SCLY: variants seen among roughly 807,000 people sequenced by gnomAD.
SCLY encodes the protein putative selenocysteine lyase.
A neutral mutation model predicts 50.1 loss-of-function variants in SCLY; 38 were observed. The observed-to-expected ratio is 0.76, with a 90% CI of 0.59 to 0.99. The LOEUF (loss-of-function observed/expected upper bound fraction) is 0.99, where lower values mean the gene tolerates loss of function less well. Among genes scored for constraint, SCLY ranks in the 50% least tolerant of loss-of-function variants. The probability of loss-of-function intolerance (pLI) is 0.00; values close to 1 mark genes in which losing one functional copy is unlikely to be tolerated. For synonymous variants in SCLY, 243 were observed against 249.4 expected (o/e 0.97, Z 0.24); for missense variants, 600 against 620.0 (o/e 0.97, Z 0.34).
chr2:238,076,051 T>TG (rs2065170054), intron 4 of SCLY, among the ~76,000 whole-genome samples: 1 of 150,946 alleles, frequency 6.6e-6, no homozygotes, highest in Admixed American at 6.6e-5. Context: ...TGTTCCTTTT[T>TG]TTTTTTTTTT....
Position 238,098,446 on chromosome 2 carries a change from G to A in SCLY, c.*91G>A. 2 of 1,371,926 alleles carry A rather than the reference G, an allele frequency of 1.5e-6. No homozygotes were observed. The highest frequency in any genetic ancestry group is 1.9e-6 in the Non-Finnish European group (2 of 1,028,868). 85.0% of individuals were successfully genotyped at this position (1,371,926 alleles called of 1,614,324 possible). A position where few individuals can be genotyped will look rare whatever the true frequency, so the allele number is the denominator to read the frequency against. On this transcript the variant is annotated 3_prime_UTR_variant, in exon 12 of 12. Transcript: ENST00000254663. ...AGTTCCCTCCTGAGGGCTGTGCCAG[G>A]ATGACTGTCTCATGCCCCCTCTGCA...
intron 9 of SCLY, 157 bp downstream of exon 9, chr2:238,094,101 A>G (rs62196003): frequency 0.67 from 473,798 of 702,326 alleles, 161,659 homozygotes; most frequent in African/African-American, 0.77. Context: ...GAACAGTGGC[A>G]GAAAGTACAT....
chr2:238,069,459 G>C lies in SCLY; in HGVS notation c.466G>C (p.Val156Leu). Reference sequence around the variant, plus strand: ...CATCCGGCTGCCCCTGGAGCACCTGGTGGAAGAACAAGTGGCAGGTGAGTG... The same window carrying C: ...CATCCGGCTGCCCCTGGAGCACCTGCTGGAAGAACAAGTGGCAGGTGAGTG... ...DSIRLPLEHL[V>L]EEQVAAVTFV... Residue 156 changes from valine (V) to leucine (L), a missense_variant, in exon 4 of 12, where the codon GTG becomes CTG. Coordinates refer to ENST00000254663, the MANE Select transcript of SCLY (RefSeq NM_016510.7). The surrounding 1 kb of genome is among the most constrained non-coding windows in gnomAD (Gnocchi z 5.0). The C allele has an allele frequency of 6.2e-7, 1 of 1,612,454 alleles. No individual in the cohort carries two copies. The highest frequency in any genetic ancestry group is 8.5e-7 in the Non-Finnish European group (1 of 1,179,202).
chr2:238,074,861 A>G (rs2065158443), intron 4 of SCLY, among the ~76,000 whole-genome samples: 1 of 152,142 alleles, frequency 6.6e-6, no homozygotes, highest in East Asian at 1.9e-4. Flanking sequence ...CTACAGCTAG[A>G]GATAGTTTTA....
chr2:238,098,209 C>T lies in SCLY; in HGVS notation c.1192C>T (p.Pro398Ser). The T allele has an allele frequency of 6.2e-7, 1 of 1,610,568 alleles. No individual in the cohort carries two copies. Among genetic ancestry groups the T allele is most frequent in the Non-Finnish European group, 8.5e-7 (1 of 1,179,292 alleles). ...CHSDHGDQPSPVLLSYGVPFD... is the reference protein window; with the variant it reads ...CHSDHGDQPSSVLLSYGVPFD... ...CGGTCTCGCCCTCCCCAGGCCGTCC[C>T]CAGTGCTGCTGAGCTACGGTGTCCC... The change falls in exon 12 of 12, where the codon CCA becomes TCA. Residue 398 changes from proline (P) to serine (S), a missense_variant. Transcript: ENST00000254663.
rs1487103749 is a variant in SCLY, at chr2:238,061,099, GGCGAGTCAGCCCA to G, written c.49_61del (p.Ser17AlafsTer30). Reference sequence around the variant, plus strand: ...CGGGGAGGGATGCGCCGGCACCCGCGGCGAGTCAGCCCAGCGGCTGCGGGAAACACAACTCGCC... The same window carrying G: ...CGGGGAGGGATGCGCCGGCACCCGCGGCGGCTGCGGGAAACACAACTCGCC... On this transcript the variant is annotated frameshift_variant, in exon 1 of 12. Transcript: ENST00000254663. LOFTEE classifies it high-confidence loss of function. 4 of 1,405,480 alleles carry G rather than the reference GGCGAGTCAGCCCA, an allele frequency of 2.8e-6. No individual in the cohort carries two copies. The Admixed American group carries it at 1.3e-4, about 46-fold the overall frequency. 87.1% of individuals were successfully genotyped at this position (1,405,480 alleles called of 1,614,324 possible).
intron 7 of SCLY, among the ~76,000 whole-genome samples, chr2:238,088,539 A>T (rs899202922): frequency 1.3e-5 from 2 of 152,202 alleles, no homozygotes; most frequent in African/African-American, 4.8e-5. Flanking sequence ...GTACTTTGGG[A>T]TGCCAAGGCG....
At chr2:238,061,836 A>G (rs1559239788) in intron 1 of SCLY, among the ~76,000 whole-genome samples, 2 of 152,156 alleles carry the variant, frequency 1.3e-5, no homozygotes, top group African/African-American at 2.4e-5. Flanking sequence ...TATCCATACT[A>G]GTTAAGTCCG....
chr2:238,087,480 C>T (rs2065310498), intron 7 of SCLY, among the ~76,000 whole-genome samples: 1 of 152,194 alleles, frequency 6.6e-6, no homozygotes, highest in African/African-American at 2.4e-5. Flanking sequence ...TTGAATAGCT[C>T]TATAACCATT....
chr2:238,072,498 A>G (rs374300694), intron 4 of SCLY, among the ~76,000 whole-genome samples: 1 of 152,124 alleles, frequency 6.6e-6, no homozygotes, highest in African/African-American at 2.4e-5. Context: ...TAGTACTCCT[A>G]TTTGCAGTGT....
At chr2:238,091,520 CAGA>C in intron 8 of SCLY, 8 of 447,058 alleles carry the variant, frequency 1.8e-5, no homozygotes, top group South Asian at 1.0e-4. Flanking sequence ...ACTGTTACAG[CAGA>C]GGTGAAGTGT....
intron 8 of SCLY, chr2:238,091,529 A>T: frequency 1.7e-5 from 7 of 414,794 alleles, no homozygotes; most frequent in East Asian, 4.4e-5. Flanking sequence ...GCAGAGGTGA[A>T]GTGTCAAGCT....
At chr2:238,074,230 C>T (rs776800125) in intron 4 of SCLY, among the ~76,000 whole-genome samples, 8 of 151,560 alleles carry the variant, frequency 5.3e-5, no homozygotes, top group Non-Finnish European at 1.2e-4. Context: ...CACTTGAACC[C>T]GGAAGGCGGA....
intron 7 of SCLY, among the ~76,000 whole-genome samples, chr2:238,087,298 T>G (rs1383339187): frequency 6.6e-6 from 1 of 151,828 alleles, no homozygotes; most frequent in African/African-American, 2.4e-5. Context: ...AGAGAAGTTA[T>G]AACATCAGGA....
In SCLY at chr2:238,064,535, T is replaced by G; in HGVS notation, c.202+66T>G. 2 of 1,046,158 alleles carry G rather than the reference T, an allele frequency of 1.9e-6. 1 individual carries two copies. Among genetic ancestry groups the G allele is most frequent in the South Asian group, 3.1e-5 (2 of 64,922 alleles). 64.8% of individuals were successfully genotyped at this position (1,046,158 alleles called of 1,614,324 possible). ...TGGGGATGGGGCGCTCTTAGAGAAATTGCACACCCACACGTGACGGCTTTG... is the reference window on the plus strand; with the variant it reads ...TGGGGATGGGGCGCTCTTAGAGAAAGTGCACACCCACACGTGACGGCTTTG... On this transcript the variant is annotated intron_variant, in intron 2 of 11. Coordinates refer to ENST00000254663, the MANE Select transcript of SCLY (RefSeq NM_016510.7).
chr2:238,098,563 AGGAC>A lies in SCLY; in HGVS notation c.*209_*212del. 1 of 374,066 alleles carries A rather than the reference AGGAC, an allele frequency of 2.7e-6. No homozygotes were observed. The highest frequency in any genetic ancestry group is 4.3e-6 in the Non-Finnish European group (1 of 234,798). 23.2% of individuals were successfully genotyped at this position (374,066 alleles called of 1,614,324 possible). Reference sequence around the variant, plus strand: ...AGGGCCCAGGACACCAACGCCGCATAGGACTGCCCACATGGGACCGCCCACATAG... The same window carrying A: ...AGGGCCCAGGACACCAACGCCGCATATGCCCACATGGGACCGCCCACATAG... On this transcript the variant is annotated 3_prime_UTR_variant, in exon 12 of 12. Coordinates refer to ENST00000254663, the MANE Select transcript of SCLY (RefSeq NM_016510.7).
intron 7 of SCLY, among the ~76,000 whole-genome samples, chr2:238,088,254 G>A (rs893978333): frequency 2.6e-5 from 4 of 152,188 alleles, no homozygotes; most frequent in Non-Finnish European, 5.9e-5. Context: ...TTGAAGTCAG[G>A]AGTTCGGGCC....
Position 238,081,819 on chromosome 2 carries a change from G to A in SCLY, c.595G>A (p.Glu199Lys). The change falls in exon 5 of 12, where the codon GAG becomes AAG. Residue 199 changes from glutamate to lysine, a missense_variant. Coordinates refer to ENST00000254663, the MANE Select transcript of SCLY (RefSeq NM_016510.7). Reference protein sequence around the residue: ...RLVTIMLANNETGIVMPVPEI... With the variant: ...RLVTIMLANNKTGIVMPVPEI... Reference sequence around the variant, plus strand: ...CGTGACCATCATGCTGGCCAACAATGAGACTGGCATTGTCATGGTGAGTCG... The same window carrying A: ...CGTGACCATCATGCTGGCCAACAATAAGACTGGCATTGTCATGGTGAGTCG... 4 of 1,613,970 alleles carry A rather than the reference G, an allele frequency of 2.5e-6. No homozygotes were observed. The highest frequency in any genetic ancestry group is 3.4e-6 in the Non-Finnish European group (4 of 1,179,986).
At chr2:238,081,868 G>A (rs762262721) in intron 5 of SCLY, 32 bp downstream of exon 5, 3 of 1,607,108 alleles carry the variant, frequency 1.9e-6, no homozygotes, top group Admixed American at 1.7e-5. Flanking sequence ...TTTAAGGAGA[G>A]CTCATGGGGA....
Sources: gnomAD v4.1 joint callset for allele counts (sites outside exome capture counted in the v4.1 genomes callset) on GRCh38, gnomAD v4.1.1 for gene constraint, Gnocchi (gnomAD v3.1) non-coding constraint, MANE v1.5 for transcripts, NCBI Gene and HGNC (gene_info 2026-07-23, HGNC 2026-07-21) for gene names.